Variants in KCTD1 observed in about 807,000 individuals in gnomAD.
KCTD1 encodes the protein BTB/POZ domain-containing protein KCTD1.
In KCTD1, 24 loss-of-function variants were observed where a neutral mutation model predicts 66.0. That is an observed-to-expected ratio of 0.36 (90% CI 0.26 to 0.51). KCTD1 has a LOEUF of 0.51. KCTD1 is among the 20% of genes least tolerant of loss of function. The pLI, the probability that KCTD1 is intolerant of heterozygous loss-of-function variation, is 0.95. For synonymous variants in KCTD1, 511 were observed against 517.2 expected (o/e 0.99, Z 0.16); for missense variants, 943 against 1,205.2 (o/e 0.78, Z 3.22).
chr18:26,547,204 A>T lies in KCTD1; in HGVS notation c.1333T>A (p.Ser445Thr). 1 of 1,548,600 alleles carries T rather than the reference A, an allele frequency of 6.5e-7. No homozygotes were observed. The highest frequency in any genetic ancestry group is 8.7e-7 in the Non-Finnish European group (1 of 1,145,988). ...ATGCAGTGGTTGGTGTAGGTCTTGG[A>T]GAGCTTGGCCGCCTTGGAGAGCATC... ...MQMLSKAAKL[S>T]KTYTNHCIGA... The change falls in exon 1 of 5, where the codon TCC (serine) becomes ACC (threonine). Residue 445 changes from serine to threonine, a missense_variant. Transcript: ENST00000580059.
intron 1 of KCTD1, among the ~76,000 whole-genome samples, chr18:26,501,497 G>A (rs1982760426): frequency 6.6e-6 from 1 of 152,158 alleles, no homozygotes; most frequent in African/African-American, 2.4e-5. Flanking sequence ...TAACTCTGAG[G>A]ACTATGAAGG....
chr18:26,508,533 T>TTACCTCTTTC (rs1567973170), intron 1 of KCTD1, among the ~76,000 whole-genome samples: 1 of 152,228 alleles, frequency 6.6e-6, no homozygotes. Context: ...TTTGACCATA[T>TTACCTCTTTC]TACCTCTTTC....
At chr18:26,528,976 G>A (rs775883014) in intron 1 of KCTD1, among the ~76,000 whole-genome samples, 2 of 152,110 alleles carry the variant, frequency 1.3e-5, no homozygotes, top group Non-Finnish European at 2.9e-5. Context: ...ATTATCATCT[G>A]TAAACTGATG....
intron 1 of KCTD1, among the ~76,000 whole-genome samples, chr18:26,597,934 G>A (rs1415226548): frequency 2.0e-5 from 3 of 152,172 alleles, no homozygotes; most frequent in Non-Finnish European, 4.4e-5. Context: ...GATTACAGGC[G>A]TGAGCCACCG....
chr18:26,614,463 T>A (rs1598967323), intron 1 of KCTD1, among the ~76,000 whole-genome samples: 1 of 151,124 alleles, frequency 6.6e-6, no homozygotes, highest in Non-Finnish European at 1.5e-5. Flanking sequence ...GGCAGGGGAG[T>A]TTTTGAGATG....
At chr18:26,619,848 C>A (rs1598969924) in intron 1 of KCTD1, among the ~76,000 whole-genome samples, 1 of 150,880 alleles carries the variant, frequency 6.6e-6, no homozygotes, top group East Asian at 1.9e-4. Flanking sequence ...CTCCAAAATG[C>A]CGTTCTTGGG....
chr18:26,608,965 T>C (rs1434209825), intron 1 of KCTD1, among the ~76,000 whole-genome samples: 1 of 152,180 alleles, frequency 6.6e-6, no homozygotes. Context: ...CGCATTCTGG[T>C]GGGGCTCAGT....
chr18:26,617,439 G>A (rs977186151), intron 1 of KCTD1, among the ~76,000 whole-genome samples: 2 of 152,188 alleles, frequency 1.3e-5, no homozygotes, highest in Non-Finnish European at 2.9e-5. Flanking sequence ...GCTCTTAATA[G>A]ACAGGATGAC....
At chr18:26,513,309 C>A (rs571775600) in intron 1 of KCTD1, among the ~76,000 whole-genome samples, 13 of 152,028 alleles carry the variant, frequency 8.6e-5, no homozygotes, top group Admixed American at 2.0e-4. Flanking sequence ...GGATGGTCTC[C>A]ATCTCCTGAC....
intron 2 of KCTD1, among the ~76,000 whole-genome samples, chr18:26,478,975 G>A (rs10048281): frequency 0.13 from 19,862 of 152,174 alleles, 2,421 homozygotes; most frequent in East Asian, 0.39. Flanking sequence ...CAATCCTGGA[G>A]GTGCATTGTT....
intron 2 of KCTD1, among the ~76,000 whole-genome samples, chr18:26,486,364 C>T (rs575525839): frequency 6.6e-6 from 1 of 152,350 alleles, no homozygotes; most frequent in African/African-American, 2.4e-5. Context: ...GATGCTGTCC[C>T]CGACTCACAG....
chr18:26,481,050 C>G (rs1006246331), intron 2 of KCTD1, among the ~76,000 whole-genome samples: 1 of 152,210 alleles, frequency 6.6e-6, no homozygotes. Flanking sequence ...TTTCCTGTGA[C>G]TCAGGTTCTT....
intron 1 of KCTD1, among the ~76,000 whole-genome samples, chr18:26,517,547 C>T (rs559918314): frequency 6.6e-6 from 1 of 150,980 alleles, no homozygotes; most frequent in African/African-American, 2.4e-5. Flanking sequence ...ATCCTAGCTA[C>T]TCAAGAGGCT....
chr18:26,543,279 A>ACCC (rs1985061437), intron 1 of KCTD1: 1 of 152,256 alleles, frequency 6.6e-6, no homozygotes, highest in Non-Finnish European at 1.5e-5. Context: ...AAAGGCAGTT[A>ACCC]ATCTTAATAG....
At chr18:26,549,320 G>A (rs1985447014), upstream of KCTD1, 4 of 985,270 alleles carry the variant, frequency 4.1e-6, no homozygotes, top group Middle Eastern at 5.2e-4. Context: ...GCAAAGGAGC[G>A]AAACACGCCC....
chr18:26,455,640 C>T lies in KCTD1; in HGVS notation c.*103G>A, dbSNP rs541083711. 3.7e-5 allele frequency: 53 copies of T among 1,433,794 alleles called. No individual in the cohort carries two copies. The African/African-American group carries it at 5.3e-4, about 14-fold the overall frequency. The allele number at this position is 1,433,794 out of a possible 1,614,324, so 88.8% of individuals were successfully genotyped here. A position where few individuals can be genotyped will look rare whatever the true frequency, so the allele number is the denominator to read the frequency against. On this transcript the variant is annotated 3_prime_UTR_variant, in exon 5 of 5. Transcript: ENST00000580059. Reference sequence around the variant, plus strand: ...TAAATGTGTCTTTTATTCGATTTTACGTCCAGGACTTGGTTTGCTGTCCCA... The same window carrying T: ...TAAATGTGTCTTTTATTCGATTTTATGTCCAGGACTTGGTTTGCTGTCCCA...
At chr18:26,489,457 C>G (rs973255500) in intron 2 of KCTD1, among the ~76,000 whole-genome samples, 1 of 152,140 alleles carries the variant, frequency 6.6e-6, no homozygotes, top group African/African-American at 2.4e-5. Flanking sequence ...CTGTGTTTCC[C>G]AAGCTGGTGT....
intron 1 of KCTD1, among the ~76,000 whole-genome samples, chr18:26,512,829 A>C (rs113180034): frequency 0.16 from 24,210 of 151,912 alleles, 2,046 homozygotes; most frequent in South Asian, 0.25. Flanking sequence ...AAAAATGCAA[A>C]AATTAGCCGG....
intron 1 of KCTD1, among the ~76,000 whole-genome samples, chr18:26,609,359 C>T (rs188959999): frequency 2.6e-5 from 4 of 152,098 alleles, no homozygotes; most frequent in African/African-American, 7.2e-5. Flanking sequence ...AAAATGAATT[C>T]GGCTCCTGCC....
Sources: allele counts gnomAD v4.1 joint callset (sites outside exome capture counted in the v4.1 genomes callset), GRCh38; gene constraint gnomAD v4.1.1; transcripts MANE v1.5; gene names NCBI Gene and HGNC (gene_info 2026-07-23, HGNC 2026-07-21).